The following TIMP2 variants were observed in gnomAD, a reference collection of about 807,000 sequenced individuals.
The protein encoded by TIMP2 is TIMP metallopeptidase inhibitor 2.
In TIMP2, 5 loss-of-function variants were observed where a neutral mutation model predicts 24.3. The ratio of observed to expected loss-of-function variants is 0.21; its 90% CI spans 0.11 to 0.43. TIMP2 has a LOEUF of 0.43. TIMP2 is among the 20% of genes least tolerant of loss of function. The pLI is 1.00. For synonymous variants in TIMP2, 130 were observed against 123.2 expected (o/e 1.06, Z -0.37); for missense variants, 221 against 297.5 (o/e 0.74, Z 1.89).
chr17:78,885,368 G>A (rs1046795815), intron 1 of TIMP2, among the ~76,000 whole-genome samples: 5 of 152,240 alleles, frequency 3.3e-5, no homozygotes, highest in Non-Finnish European at 5.9e-5. Flanking sequence ...ACCTGGAAGT[G>A]CCTTAGGATG....
At position 78,896,778 on chromosome 17, in the gene TIMP2, A is replaced by C. The variant is rs1369996299; in HGVS notation, c.131-22859T>G. 6.6e-6 allele frequency among the ~76,000 whole-genome samples: 1 copy of C among 152,118 alleles called. No individual in the cohort carries two copies. Among genetic ancestry groups the C allele is most frequent in the African/African-American group, 2.4e-5 (1 of 41,424 alleles). On this transcript the variant is annotated intron_variant, in intron 1 of 4. Coordinates refer to ENST00000262768, the MANE Select transcript of TIMP2 (RefSeq NM_003255.5). The surrounding 1 kb of genome is among the most constrained non-coding windows in gnomAD (Gnocchi z 4.4). ...CCTCCGGACGGCACCAGGGCCTCCCACAGAGCGGAGTGGACACTGGGCCCA... is the reference window on the plus strand; with the variant it reads ...CCTCCGGACGGCACCAGGGCCTCCCCCAGAGCGGAGTGGACACTGGGCCCA...
At chr17:78,874,452 G>T (rs1200175134) in intron 1 of TIMP2, among the ~76,000 whole-genome samples, 1 of 152,134 alleles carries the variant, frequency 6.6e-6, no homozygotes, top group Non-Finnish European at 1.5e-5. Context: ...GGGCAGAGGG[G>T]GAGTTATCCA....
chr17:78,884,942 C>T (rs946194124), intron 1 of TIMP2, among the ~76,000 whole-genome samples: 6 of 152,362 alleles, frequency 3.9e-5, no homozygotes, highest in African/African-American at 1.4e-4. Context: ...CGCCCCAGGG[C>T]AGCTCTCAGG....
intron 1 of TIMP2, among the ~76,000 whole-genome samples, chr17:78,919,775 C>T (rs910380404): frequency 6.6e-6 from 1 of 152,064 alleles, no homozygotes; most frequent in Non-Finnish European, 1.5e-5. Flanking sequence ...GCGGAGCTTG[C>T]AGTGAGCCAA....
rs1045579738 is a variant in TIMP2, at chr17:78,924,309, G to T, written c.130+650C>A. On this transcript the variant is annotated intron_variant, in intron 1 of 4. Transcript: ENST00000262768. The surrounding 1 kb of genome is among the most constrained non-coding windows in gnomAD (Gnocchi z 5.3). ...CGTCCCGAAAAAGCGGAACATTCGG[G>T]GGTCCCGGTCCCTGCCCAGCCAGTT... is the stretch of plus-strand genomic sequence containing the variant. 6.6e-6 allele frequency among the ~76,000 whole-genome samples: 1 copy of T among 152,178 alleles called. No homozygotes were observed. Among genetic ancestry groups the T allele is most frequent in the African/African-American group, 2.4e-5 (1 of 41,450 alleles).
chr17:78,919,447 A>G (rs1253452678), intron 1 of TIMP2, among the ~76,000 whole-genome samples: 1 of 152,114 alleles, frequency 6.6e-6, no homozygotes, highest in African/African-American at 2.4e-5. Context: ...GCTGCCGCTA[A>G]ATGACCAGGG....
In TIMP2 at chr17:78,920,009, C is replaced by T. The variant is rs1378103322; in HGVS notation, c.130+4950G>A. Among the ~76,000 whole-genome samples the T allele has an allele frequency of 6.6e-6, 1 of 152,184 alleles. No individual in the cohort carries two copies. Among genetic ancestry groups the T allele is most frequent in the East Asian group, 1.9e-4 (1 of 5,188 alleles). ...CTTTGCTTCCTTCTTATCTCCTCCT[C>T]CCTGCTGTTGCATCCCTCCTCGCAG... On this transcript the variant is annotated intron_variant, in intron 1 of 4. Coordinates refer to ENST00000262768, the MANE Select transcript of TIMP2 (RefSeq NM_003255.5). This position sits in a 1 kb window ranked among gnomAD's most constrained non-coding sequence, Gnocchi z 4.5.
chr17:78,924,309 G>C lies in TIMP2; in HGVS notation c.130+650C>G, dbSNP rs1045579738. Among the ~76,000 whole-genome samples the C allele has an allele frequency of 4.6e-5, 7 of 152,178 alleles. No individual in the cohort carries two copies. The highest frequency in any genetic ancestry group is 7.3e-5 in the Non-Finnish European group (5 of 68,036). On this transcript the variant is annotated intron_variant, in intron 1 of 4. Coordinates refer to ENST00000262768, the MANE Select transcript of TIMP2 (RefSeq NM_003255.5). The surrounding 1 kb of genome is among the most constrained non-coding windows in gnomAD (Gnocchi z 5.3). ...CGTCCCGAAAAAGCGGAACATTCGGGGGTCCCGGTCCCTGCCCAGCCAGTT... is the reference window on the plus strand; with the variant it reads ...CGTCCCGAAAAAGCGGAACATTCGGCGGTCCCGGTCCCTGCCCAGCCAGTT...
Position 78,888,512 on chromosome 17 carries a change from G to A in TIMP2, c.131-14593C>T, listed in dbSNP as rs796418320. Among the ~76,000 whole-genome samples the A allele has an allele frequency of 1.1e-4, 17 of 152,260 alleles. 1 individual carries two copies. Among genetic ancestry groups the A allele is most frequent in the African/African-American group, 4.1e-4 (17 of 41,546 alleles). On this transcript the variant is annotated intron_variant, in intron 1 of 4. Coordinates refer to ENST00000262768, the MANE Select transcript of TIMP2 (RefSeq NM_003255.5). ...CTCTGTCACCCAGGCTGGCAGTGGC[G>A]TGATCACAGCTCCCTGTGCGGCCTC...
rs540947841 is a variant in TIMP2, at chr17:78,893,487, AG to A, written c.131-19569del. ...TGTGTGTGCATAGCGGTGTGTGTGC[AG>A]GGGTGTGTGCGCGCAGGGGTGTGTG... On this transcript the variant is annotated intron_variant, in intron 1 of 4. Coordinates refer to ENST00000262768, the MANE Select transcript of TIMP2 (RefSeq NM_003255.5). Among the ~76,000 whole-genome samples the A allele has an allele frequency of 3.0e-3, 413 of 139,856 alleles. 2 individuals carry two copies. Among genetic ancestry groups the A allele is most frequent in the African/African-American group, 0.01 (384 of 36,698 alleles). The allele number at this position is 139,856 out of a possible 152,430, so 91.8% of individuals were successfully genotyped here.
chr17:78,901,988 C>A (rs552230649), intron 1 of TIMP2: 3 of 589,846 alleles, frequency 5.1e-6, no homozygotes, highest in Non-Finnish European at 9.2e-6. Flanking sequence ...AACTCCGTTT[C>A]TCTGAGTTCT....
rs141092873 is a variant in TIMP2, at chr17:78,917,302, C to T, written c.130+7657G>A. Among the ~76,000 whole-genome samples, 1,222 of 148,550 alleles carry T rather than the reference C, an allele frequency of 8.2e-3. 10 individuals are homozygous for T. The highest frequency in any genetic ancestry group is 0.029 in the African/African-American group (1,172 of 40,218). ...AAAATTAGCTGGGCATGGCAGCACA[C>T]ACCTGTAATCCCAGCTACTCGGGAG... On this transcript the variant is annotated intron_variant, in intron 1 of 4. Coordinates refer to ENST00000262768, the MANE Select transcript of TIMP2 (RefSeq NM_003255.5).
Position 78,900,570 on chromosome 17 carries a change from A to G in TIMP2, c.130+24389T>C, listed in dbSNP as rs527301369. On this transcript the variant is annotated intron_variant, in intron 1 of 4. Coordinates refer to ENST00000262768, the MANE Select transcript of TIMP2 (RefSeq NM_003255.5). ...AAAAAAAAAAAAAAATGTGTTTTTT[A>G]ATAAAGTAAGTAGAGTCCGAGGTGG... Among the ~76,000 whole-genome samples, 7 of 151,536 alleles carry G rather than the reference A, an allele frequency of 4.6e-5. No homozygotes were observed. In the South Asian group the frequency reaches 1.5e-3, roughly 31 times the overall value.
Position 78,888,610 on chromosome 17 carries a change from G to A in TIMP2, c.131-14691C>T, listed in dbSNP as rs187442037. 9.2e-5 allele frequency among the ~76,000 whole-genome samples: 14 copies of A among 152,254 alleles called. No homozygotes were observed. The East Asian group carries it at 2.3e-3, about 25-fold the overall frequency. ...TGGGACTGTAGGTGCAGGCCGCTATGCTCAGCTAATTTTTTATTTTTTGTA... is the reference window on the plus strand; with the variant it reads ...TGGGACTGTAGGTGCAGGCCGCTATACTCAGCTAATTTTTTATTTTTTGTA... On this transcript the variant is annotated intron_variant, in intron 1 of 4. Transcript: ENST00000262768.
chr17:78,918,065 A>ACACACACGC (rs1555652947), intron 1 of TIMP2, among the ~76,000 whole-genome samples: 5 of 144,812 alleles, frequency 3.5e-5, no homozygotes, highest in Admixed American at 6.9e-5. Context: ...TGCACACACA[A>ACACACACGC]ACACACACAC....
intron 1 of TIMP2, among the ~76,000 whole-genome samples, chr17:78,893,567 AG>A (rs762694209): frequency 7.3e-5 from 11 of 151,200 alleles, no homozygotes; most frequent in Non-Finnish European, 1.0e-4. Context: ...CTGTGTGTAC[AG>A]GGGGGTGTAC....
chr17:78,880,840 T>C (rs1043809381), intron 1 of TIMP2, among the ~76,000 whole-genome samples: 5 of 152,258 alleles, frequency 3.3e-5, no homozygotes, highest in African/African-American at 4.8e-5. Flanking sequence ...TAGAACATTT[T>C]CCACTTGAGC....
At chr17:78,874,482 G>A (rs946609729) in intron 1 of TIMP2, among the ~76,000 whole-genome samples, 2 of 152,174 alleles carry the variant, frequency 1.3e-5, no homozygotes, top group African/African-American at 2.4e-5. Context: ...GGCCTTAAAC[G>A]TACCCGGCAT....
At position 78,924,464 on chromosome 17, in the gene TIMP2, T is replaced by C. The variant is rs562163844; in HGVS notation, c.130+495A>G. ...GGGCTTCCATCCCACCCTGGCTTGA[T>C]CGGGGAGCCCCCAAATGGGGCTGGT... On this transcript the variant is annotated intron_variant, in intron 1 of 4. Coordinates refer to ENST00000262768, the MANE Select transcript of TIMP2 (RefSeq NM_003255.5). This position sits in a 1 kb window ranked among gnomAD's most constrained non-coding sequence, Gnocchi z 5.3. 1.3e-5 allele frequency among the ~76,000 whole-genome samples: 2 copies of C among 152,280 alleles called. No individual in the cohort carries two copies. Among genetic ancestry groups the C allele is most frequent in the African/African-American group, 4.8e-5 (2 of 41,582 alleles).
Sources: gnomAD v4.1 joint callset for allele counts (sites outside exome capture counted in the v4.1 genomes callset) on GRCh38, gnomAD v4.1.1 for gene constraint, Gnocchi (gnomAD v3.1) non-coding constraint, MANE v1.5 for transcripts, NCBI Gene and HGNC (gene_info 2026-07-23, HGNC 2026-07-21) for gene names.